The following ADGRG5 variants were observed in gnomAD, a reference collection of about 807,000 sequenced individuals.
ADGRG5 encodes the protein adhesion G protein-coupled receptor G5, also known as G protein-coupled receptor 114.
ADGRG5 carries 37 observed loss-of-function variants against 53.2 expected under a neutral mutation model. The ratio of observed to expected loss-of-function variants is 0.70; its 90% CI spans 0.53 to 0.91. ADGRG5 has a LOEUF of 0.91. ADGRG5 is among the 40% of genes least tolerant of loss of function. ADGRG5 has a pLI of 0.00. For synonymous variants in ADGRG5, 277 were observed against 290.4 expected, an observed-to-expected ratio of 0.95 and a Z score of 0.47; for missense variants, 614 against 675.8, an observed-to-expected ratio of 0.91 and a Z score of 1.01.
chr16:57,530,726 G>T, the ADGRG5 span, among the ~76,000 whole-genome samples: 1 of 152,046 alleles, frequency 6.6e-6, no homozygotes, highest in African/African-American at 2.4e-5. Flanking sequence ...AGCCAGTGAC[G>T]TCCTTTCCAG....
chr16:57,567,376 C>A, intron 7 of ADGRG5, 94 bp from the exon 8 acceptor site: 1 of 1,421,346 alleles, frequency 7.0e-7, no homozygotes, highest in Non-Finnish European at 9.6e-7. Context: ...GGGAAGGGGA[C>A]TTGGAGAGGA....
At position 57,575,707 on chromosome 16, in the gene ADGRG5, T is replaced by C. The variant is rs1032328714; in HGVS notation, c.*169T>C. On this transcript the variant is annotated 3_prime_UTR_variant, in exon 12 of 12. Coordinates refer to ENST00000349457, the MANE Select transcript of ADGRG5 (RefSeq NM_001304376.3). ...CTCTCCAGGCACTGAGGGGAAGGCA[T>C]TGCTCTACCTCTCCCTGACATTTTG... is the stretch of plus-strand genomic sequence containing the variant. 31 of 593,480 alleles carry C rather than the reference T, an allele frequency of 5.2e-5. No individual in the cohort carries two copies. The highest frequency in any genetic ancestry group is 8.4e-5 in the Non-Finnish European group (28 of 332,948). The allele number at this position is 593,480 out of a possible 1,614,324, so 36.8% of individuals were successfully genotyped here.
chr16:57,552,884 G>A (rs1448973073), intron 1 of ADGRG5, among the ~76,000 whole-genome samples: 2 of 152,098 alleles, frequency 1.3e-5, no homozygotes, highest in Non-Finnish European at 2.9e-5. Context: ...CACTTAAGAG[G>A]CCATTGTAGA....
At chr16:57,547,393 C>T (rs1454496221) in intron 1 of ADGRG5, among the ~76,000 whole-genome samples, 2 of 152,178 alleles carry the variant, frequency 1.3e-5, no homozygotes, top group African/African-American at 4.8e-5. Flanking sequence ...CTGTCCTTTC[C>T]ACTCAGTGAT....
chr16:57,560,286 C>T (rs1355349372), intron 1 of ADGRG5, among the ~76,000 whole-genome samples: 1 of 152,192 alleles, frequency 6.6e-6, no homozygotes, highest in Non-Finnish European at 1.5e-5. Context: ...TATACTTTCT[C>T]ATTTTGTTGG....
At chr16:57,539,141 A>G (rs187062405), upstream of ADGRG5, among the ~76,000 whole-genome samples, 151 of 152,326 alleles carry the variant, frequency 9.9e-4, no homozygotes, top group Middle Eastern at 3.4e-3. Flanking sequence ...ATGTGATTCA[A>G]CCTTTAAAAG....
intron 10 of ADGRG5, among the ~76,000 whole-genome samples, chr16:57,572,931 G>A (rs2033401824): frequency 6.6e-6 from 1 of 152,154 alleles, no homozygotes; most frequent in Non-Finnish European, 1.5e-5. Context: ...GACAGTTAGG[G>A]GCTCAGGCTC....
chr16:57,549,336 T>C (rs1414986563), intron 1 of ADGRG5, among the ~76,000 whole-genome samples: 2 of 152,232 alleles, frequency 1.3e-5, no homozygotes, highest in African/African-American at 4.8e-5. Flanking sequence ...TTCAGATCTT[T>C]GCAGATCCAA....
rs1160347669 is a variant in ADGRG5 at position 57,576,430 on chromosome 16, C to T, written c.*892C>T. The T allele has an allele frequency of 3.9e-5, 6 of 152,102 alleles. No individual in the cohort carries two copies. Among genetic ancestry groups the T allele is most frequent in the African/African-American group, 1.4e-4 (6 of 41,396 alleles). 9.4% of individuals were successfully genotyped at this position (152,102 alleles called of 1,614,324 possible). On this transcript the variant is annotated 3_prime_UTR_variant, in exon 12 of 12. Coordinates refer to ENST00000349457, the MANE Select transcript of ADGRG5 (RefSeq NM_001304376.3). ...GGTGATTGGGCAAGATTGAATTTGCCCAGGTAGGCGTGAGAGTGTGGGTTT... is the reference window on the plus strand; with the variant it reads ...GGTGATTGGGCAAGATTGAATTTGCTCAGGTAGGCGTGAGAGTGTGGGTTT...
At chr16:57,549,631 G>A (rs2032701138) in intron 1 of ADGRG5, among the ~76,000 whole-genome samples, 1 of 152,124 alleles carries the variant, frequency 6.6e-6, no homozygotes, top group African/African-American at 2.4e-5. Flanking sequence ...TGACAGATGT[G>A]TACAGTCATG....
At chr16:57,568,330 TCCA>T (rs2033204672) in intron 9 of ADGRG5, among the ~76,000 whole-genome samples, 1 of 151,778 alleles carries the variant, frequency 6.6e-6, no homozygotes, top group South Asian at 2.1e-4. Flanking sequence ...CGTCACCTCC[TCCA>T]CCACCATTAT....
At chr16:57,546,784 T>G (rs1256244459) in intron 1 of ADGRG5, among the ~76,000 whole-genome samples, 2 of 152,122 alleles carry the variant, frequency 1.3e-5, no homozygotes, top group African/African-American at 2.4e-5. Flanking sequence ...AGTGGCACAA[T>G]CATAGCTCAC....
chr16:57,554,133 A>G, intron 1 of ADGRG5, among the ~76,000 whole-genome samples: 1 of 151,874 alleles, frequency 6.6e-6, no homozygotes, highest in East Asian at 1.9e-4. Flanking sequence ...ATTTCACCTA[A>G]GTTATGTAAT....
intron 1 of ADGRG5, among the ~76,000 whole-genome samples, chr16:57,551,343 T>G (rs1326806750): frequency 2.0e-5 from 3 of 152,198 alleles, no homozygotes; most frequent in African/African-American, 7.2e-5. Flanking sequence ...TTTGATAGTA[T>G]TTTACTCACG....
At chr16:57,533,333 G>A in the ADGRG5 span, among the ~76,000 whole-genome samples, 6 of 151,866 alleles carry the variant, frequency 4.0e-5, no homozygotes, top group Admixed American at 1.3e-4. Context: ...AGCCCACCCC[G>A]CCCCCAGCAC....
At chr16:57,563,595 T>G in intron 4 of ADGRG5, among the ~76,000 whole-genome samples, 1 of 152,150 alleles carries the variant, frequency 6.6e-6, no homozygotes, top group East Asian at 1.9e-4. Context: ...CTGGGGCTGG[T>G]GCTGGGGCTG....
chr16:57,537,775 A>G (rs2032426012), upstream of ADGRG5, among the ~76,000 whole-genome samples: 1 of 151,998 alleles, frequency 6.6e-6, no homozygotes, highest in Admixed American at 6.6e-5. Context: ...ACGTTGCAAG[A>G]CTGGCAGTTT....
chr16:57,564,981 C>T, intron 5 of ADGRG5, 53 bp from the exon 6 acceptor site: 1 of 1,063,128 alleles, frequency 9.4e-7, no homozygotes, highest in Admixed American at 1.8e-5. Flanking sequence ...CAGACCTTAC[C>T]CAGGGCCTCC....
intron 1 of ADGRG5, among the ~76,000 whole-genome samples, chr16:57,553,576 A>G (rs2032802413): frequency 6.6e-6 from 1 of 152,192 alleles, no homozygotes; most frequent in Non-Finnish European, 1.5e-5. Flanking sequence ...TGTCTTGATT[A>G]TTGTAGCTTT....
Sources: gnomAD v4.1 joint callset for allele counts (sites outside exome capture counted in the v4.1 genomes callset) on GRCh38, gnomAD v4.1.1 for gene constraint, MANE v1.5 for transcripts, NCBI Gene and HGNC (gene_info 2026-07-23, HGNC 2026-07-21) for gene names.